The following DAAM2 variants were observed in gnomAD, a reference collection of about 807,000 sequenced individuals.
DAAM2 encodes the protein dishevelled associated activator of morphogenesis 2.
In DAAM2, 39 loss-of-function variants were observed where a neutral mutation model predicts 120.7. That is an observed-to-expected ratio of 0.32 (90% CI 0.25 to 0.42). The LOEUF (loss-of-function observed/expected upper bound fraction) is 0.42, where lower values mean the gene tolerates loss of function less well. Ranked by LOEUF, DAAM2 falls within the 10% of genes least tolerant of loss-of-function variation. DAAM2 has a pLI of 1.00. For synonymous variants in DAAM2, 488 were observed against 524.9 expected, an observed-to-expected ratio of 0.93 and a Z score of 0.96; for missense variants, 1,283 against 1,401.7, an observed-to-expected ratio of 0.92 and a Z score of 1.35.
chr6:39,852,058 G>C (rs1763827459), intron 1 of DAAM2, among the ~76,000 whole-genome samples: 1 of 152,326 alleles, frequency 6.6e-6, no homozygotes, highest in African/African-American at 2.4e-5. Flanking sequence ...GTCTTGAGGA[G>C]ACCTTGTCCC....
rs763278940 is a variant in DAAM2, at chr6:39,902,034, T to C, written c.3204T>C (p.Tyr1068=). Reference sequence around the variant, plus strand: ...AGCGGGCAATAAACCGGCTAAATTATTGACCTGGGGAACTAGCCACACAGG... The same window carrying C: ...AGCGGGCAATAAACCGGCTAAATTACTGACCTGGGGAACTAGCCACACAGG... ...TRERAINRLN[Y] is the part of the protein sequence containing the mutation. Residue 1068 remains tyrosine (Y), a synonymous_variant, in exon 25 of 25, where the codon TAT becomes TAC. Coordinates refer to ENST00000274867, the MANE Select transcript of DAAM2 (RefSeq NM_001201427.2). 1.3e-5 allele frequency: 21 copies of C among 1,602,582 alleles called. No homozygotes were observed. Among genetic ancestry groups the C allele is most frequent in the Non-Finnish European group, 1.7e-5 (20 of 1,172,502 alleles).
At chr6:39,867,408 G>A in intron 5 of DAAM2, 102 bp from the exon 6 acceptor site, 1 of 1,088,900 alleles carries the variant, frequency 9.2e-7, no homozygotes, top group Non-Finnish European at 1.4e-6. Context: ...TACTGTAGGT[G>A]GGACAAGGTG....
intron 1 of DAAM2, among the ~76,000 whole-genome samples, chr6:39,825,383 TTAAAACAAAA>T: frequency 9.2e-6 from 1 of 108,732 alleles, no homozygotes; most frequent in Non-Finnish European, 1.7e-5. Flanking sequence ...GCAAGACTGT[TTAAAACAAAA>T]CAAAACAAAA....
At chr6:39,845,775 C>G (rs1376810057) in intron 1 of DAAM2, among the ~76,000 whole-genome samples, 1 of 151,950 alleles carries the variant, frequency 6.6e-6, no homozygotes, top group African/African-American at 2.4e-5. Context: ...CCTGAAAACT[C>G]CGTTTCACAG....
At chr6:39,899,948 T>G in intron 22 of DAAM2, 129 bp from the exon 23 acceptor site, 92 of 1,043,086 alleles carry the variant, frequency 8.8e-5, no homozygotes, top group Non-Finnish European at 1.1e-4. Flanking sequence ...CTTAGAACTT[T>G]GAGATGCAGG....
At chr6:39,817,853 A>G (rs1052530743) in intron 1 of DAAM2, among the ~76,000 whole-genome samples, 1 of 152,048 alleles carries the variant, frequency 6.6e-6, no homozygotes, top group Non-Finnish European at 1.5e-5. Context: ...CTCAGAGTCT[A>G]CTGATTTAAG....
rs1464451581 is a variant in DAAM2 at position 39,884,055 on chromosome 6, T to C, written c.1939T>C (p.Tyr647His). 2 of 1,599,748 alleles carry C rather than the reference T, an allele frequency of 1.3e-6. No homozygotes were observed. Among genetic ancestry groups the C allele is most frequent in the South Asian group, 1.1e-5 (1 of 89,638 alleles). ...GGATTTTGAAAAGATGTTTTCAGCC[T>C]ACCAGAGGCACCAGGTAAGACCCTA... is the stretch of plus-strand genomic sequence containing the variant. ...LEDFEKMFSA[Y>H]QRHQKELGST... Residue 647 changes from tyrosine to histidine, a missense_variant, in exon 15 of 25, where the codon TAC (tyrosine) becomes CAC (histidine). By Grantham distance (83) the Tyr-to-His change is moderately conservative (BLOSUM62 2). Coordinates refer to ENST00000274867, the MANE Select transcript of DAAM2 (RefSeq NM_001201427.2).
intron 21 of DAAM2, among the ~76,000 whole-genome samples, chr6:39,898,214 C>T (rs1202349423): frequency 1.3e-5 from 2 of 152,190 alleles, no homozygotes; most frequent in African/African-American, 2.4e-5. Context: ...TTTTCCCACC[C>T]AAAGGGCAAG....
chr6:39,839,237 A>G (rs147678432), intron 1 of DAAM2, among the ~76,000 whole-genome samples: 480 of 152,304 alleles, frequency 3.2e-3, no homozygotes, highest in Non-Finnish European at 4.8e-3. Context: ...TGGCGAAAAA[A>G]GAGGAAAGAG....
intron 21 of DAAM2, chr6:39,897,526 G>T: frequency 3.2e-6 from 1 of 308,662 alleles, no homozygotes; most frequent in Non-Finnish European, 6.0e-6. Context: ...AGAGAGAGAG[G>T]ATTCAGGGTG....
rs546372174 is a variant in DAAM2 at position 39,897,705 on chromosome 6, A to G, written c.2618+423A>G. ...CTGTGTGTGCTTTTTCATACATCGC[A>G]TGTCTCATTAGCACCTTAAATCTCC... On this transcript the variant is annotated intron_variant, in intron 21 of 24. Transcript: ENST00000274867. 5.1e-4 allele frequency among the ~76,000 whole-genome samples: 77 copies of G among 152,226 alleles called. 3 individuals carry two copies. The South Asian group carries it at 0.015, about 30-fold the overall frequency.
At chr6:39,864,554 C>T (rs750218560) in intron 4 of DAAM2, 47 bp downstream of exon 4, 27 of 1,497,276 alleles carry the variant, frequency 1.8e-5, no homozygotes, top group Non-Finnish European at 2.3e-5. Flanking sequence ...GGAAAGGCTA[C>T]GGCAGGGAGT....
At chr6:39,887,909 G>A (rs1765473797) in intron 16 of DAAM2, 1 of 328,490 alleles carries the variant, frequency 3.0e-6, no homozygotes, top group African/African-American at 2.1e-5. Flanking sequence ...CGCGGCTGCA[G>A]AACAAACAGG....
chr6:39,891,148 G>C (rs903587092), intron 17 of DAAM2, among the ~76,000 whole-genome samples, 193 bp from the exon 18 acceptor site: 1 of 150,180 alleles, frequency 6.7e-6, no homozygotes, highest in Non-Finnish European at 1.5e-5. Context: ...TTTTAAAAAA[G>C]AAAAAAGAAT....
In DAAM2 at chr6:39,878,941, T is replaced by C. The variant is rs901705218; in HGVS notation, c.1546-237T>C. Among the ~76,000 whole-genome samples, 1 of 152,062 alleles carries C rather than the reference T, an allele frequency of 6.6e-6. No homozygotes were observed. On this transcript the variant is annotated intron_variant, in intron 13 of 24. Coordinates refer to ENST00000274867, the MANE Select transcript of DAAM2 (RefSeq NM_001201427.2). The surrounding 1 kb of genome is among the most constrained non-coding windows in gnomAD (Gnocchi z 5.0). The stretch of plus-strand genomic sequence containing the variant: ...TGCATTGTGATGGCTATGACTCTGA[T>C]TGTCCAGTGTCCGTGTGCGTGACGT...
chr6:39,816,387 T>C (rs999494438), intron 1 of DAAM2, among the ~76,000 whole-genome samples: 1 of 152,228 alleles, frequency 6.6e-6, no homozygotes, highest in Non-Finnish European at 1.5e-5. Flanking sequence ...TCAATCTTGA[T>C]ACTAGGCCAC....
At chr6:39,900,043 C>T in intron 22 of DAAM2, 34 bp from the exon 23 acceptor site, 6 of 1,586,274 alleles carry the variant, frequency 3.8e-6, no homozygotes, top group Non-Finnish European at 5.2e-6. Context: ...CATCTTGGCA[C>T]CAGTCTAAGC....
chr6:39,807,630 C>A (rs1762046856), intron 1 of DAAM2, among the ~76,000 whole-genome samples: 2 of 152,160 alleles, frequency 1.3e-5, no homozygotes, highest in South Asian at 4.1e-4. Context: ...GATTCTCCCA[C>A]CTCAGCCTCC....
intron 4 of DAAM2, 83 bp downstream of exon 4, chr6:39,864,590 A>G: frequency 9.7e-7 from 1 of 1,035,322 alleles, no homozygotes; most frequent in Non-Finnish European, 1.4e-6. Flanking sequence ...CACCCCCCAC[A>G]CACCAAACTG....
Sources: allele counts gnomAD v4.1 joint callset (sites outside exome capture counted in the v4.1 genomes callset), GRCh38; gene constraint gnomAD v4.1.1; non-coding constraint Gnocchi (gnomAD v3.1); transcripts MANE v1.5; gene names NCBI Gene and HGNC (gene_info 2026-07-23, HGNC 2026-07-21).